ADAD1: variants seen among roughly 807,000 people sequenced by gnomAD.
The protein encoded by ADAD1 is adenosine deaminase domain-containing protein 1.
A neutral mutation model predicts 66.8 loss-of-function variants in ADAD1; 46 were observed. The ratio of observed to expected loss-of-function variants is 0.69; its 90% confidence interval spans 0.54 to 0.88. The LOEUF is 0.88. Ranked by LOEUF, ADAD1 falls within the 40% of genes least tolerant of loss-of-function variation. ADAD1 has a pLI of 0.00. For synonymous variants in ADAD1, 248 were observed against 229.4 expected, an observed-to-expected ratio of 1.08 and a Z score of -0.73; for missense variants, 617 against 681.8, an observed-to-expected ratio of 0.91 and a Z score of 1.06.
chr4:122,390,288 A>G (rs1561534107), intron 5 of ADAD1, among the ~76,000 whole-genome samples: 1 of 152,026 alleles, frequency 6.6e-6, no homozygotes, highest in African/African-American at 2.4e-5. Flanking sequence ...GCTGCCCTTA[A>G]TAGTTTTTCC....
At chr4:122,408,113 A>T in intron 8 of ADAD1, 82 bp downstream of exon 8, 1 of 1,400,200 alleles carries the variant, frequency 7.1e-7, no homozygotes, top group Non-Finnish European at 9.6e-7. Flanking sequence ...TTCATTTACA[A>T]ATGGAATTTT....
chr4:122,424,938 A>G (rs920742866), intron 12 of ADAD1, among the ~76,000 whole-genome samples: 2 of 152,140 alleles, frequency 1.3e-5, no homozygotes, highest in Admixed American at 1.3e-4. Context: ...TTAATATTAA[A>G]TATACATGAA....
rs374964594 is a variant in ADAD1, at chr4:122,397,568, CAAAT to C, written c.724+1194_724+1197del. ...AAATGAATATTTAAACAATAATTGA[CAAAT>C]AATTTTTTAAAAGATTGCAGGGGTT... is the stretch of plus-strand genomic sequence containing the variant. On this transcript the variant is annotated intron_variant, in intron 7 of 12. Transcript: ENST00000296513. Among the ~76,000 whole-genome samples, 75 of 152,116 alleles carry C rather than the reference CAAAT, an allele frequency of 4.9e-4. No homozygotes were observed. The East Asian group carries it at 0.012, about 24-fold the overall frequency.
chr4:122,421,458 A>T, intron 12 of ADAD1, 68 bp downstream of exon 12: 1 of 1,341,584 alleles, frequency 7.5e-7, no homozygotes, highest in Non-Finnish European at 9.8e-7. Flanking sequence ...TCATTTTAAA[A>T]TGGTTATCCT....
At chr4:122,414,755 C>T (rs1182913395) in intron 10 of ADAD1, among the ~76,000 whole-genome samples, 1 of 152,112 alleles carries the variant, frequency 6.6e-6, no homozygotes, top group East Asian at 1.9e-4. Context: ...TGCTTCCTAA[C>T]TTCTGTTTTA....
intron 7 of ADAD1, among the ~76,000 whole-genome samples, chr4:122,405,755 G>A (rs768915304): frequency 3.3e-5 from 5 of 151,858 alleles, no homozygotes; most frequent in South Asian, 2.1e-4. Flanking sequence ...CTTTCTAACC[G>A]CTAGTAACCA....
At chr4:122,383,248 A>C (rs1025460788) in intron 4 of ADAD1, among the ~76,000 whole-genome samples, 1 of 151,984 alleles carries the variant, frequency 6.6e-6, no homozygotes, top group Non-Finnish European at 1.5e-5. Flanking sequence ...CCACTCCCCA[A>C]CCTTCACAGC....
At chr4:122,402,180 A>T (rs1796013861) in intron 7 of ADAD1, among the ~76,000 whole-genome samples, 1 of 152,098 alleles carries the variant, frequency 6.6e-6, no homozygotes, top group East Asian at 1.9e-4. Context: ...CATTTATTTA[A>T]TACTGGCTTC....
chr4:122,411,090 TTTAGGAGTTC>T, intron 8 of ADAD1, 122 bp from the exon 9 acceptor site: 1 of 660,714 alleles, frequency 1.5e-6, no homozygotes, highest in Non-Finnish European at 2.4e-6. Context: ...CTAAGATTGA[TTTAGGAGTTC>T]TTACCTGTGT....
chr4:122,421,293 G>A lies in ADAD1; in HGVS notation c.1520G>A (p.Ser507Asn), dbSNP rs780374431. The change falls in exon 12 of 13, where the codon AGT (serine) becomes AAT (asparagine). Residue 507 changes from serine (S) to asparagine (N), a missense_variant. Transcript: ENST00000296513. Reference sequence around the variant, plus strand: ...TTTAAAAGTGGTATGTCAATGGCAAGTCGGCTTTGTAAGGCTGCAATGTTA... The same window carrying A: ...TTTAAAAGTGGTATGTCAATGGCAAATCGGCTTTGTAAGGCTGCAATGTTA... ...SPFKSGMSMA[S>N]RLCKAAMLSR... 1.9e-6 allele frequency: 3 copies of A among 1,603,580 alleles called. No homozygotes were observed. Among genetic ancestry groups the A allele is most frequent in the Non-Finnish European group, 2.6e-6 (3 of 1,173,092 alleles).
chr4:122,422,957 A>T (rs1169915222), intron 12 of ADAD1, among the ~76,000 whole-genome samples: 40 of 56,030 alleles, frequency 7.1e-4, no homozygotes, highest in Admixed American at 4.9e-3. Flanking sequence ...ATTTCTCTTT[A>T]AAAAAAAAAA....
intron 7 of ADAD1, 95 bp from the exon 8 acceptor site, chr4:122,407,813 T>A: frequency 7.8e-7 from 1 of 1,287,220 alleles, no homozygotes; most frequent in Non-Finnish European, 1.0e-6. Context: ...GTTAATATAT[T>A]CTACTAAATT....
chr4:122,415,707 T>C (rs886422809), intron 11 of ADAD1, 91 bp downstream of exon 11: 4 of 1,060,642 alleles, frequency 3.8e-6, no homozygotes, highest in Non-Finnish European at 5.6e-6. Flanking sequence ...TTGGATACTA[T>C]TTATTGAACT....
chr4:122,387,502 C>T (rs1795226307), intron 5 of ADAD1, among the ~76,000 whole-genome samples: 1 of 152,090 alleles, frequency 6.6e-6, no homozygotes, highest in South Asian at 2.1e-4. Flanking sequence ...AAATTGACTT[C>T]CTCTCTTCTT....
At chr4:122,387,794 C>G (rs1451860697) in intron 5 of ADAD1, among the ~76,000 whole-genome samples, 4 of 148,672 alleles carry the variant, frequency 2.7e-5, no homozygotes, top group Non-Finnish European at 4.4e-5. Context: ...GAGTCTTGCT[C>G]TGTTGCCCAG....
chr4:122,424,151 C>A (rs1797129923), intron 12 of ADAD1, among the ~76,000 whole-genome samples: 1 of 152,110 alleles, frequency 6.6e-6, no homozygotes. Flanking sequence ...AAAATAAGAA[C>A]ATTCACAGGT....
intron 12 of ADAD1, among the ~76,000 whole-genome samples, chr4:122,427,271 A>G (rs1316549268): frequency 9.9e-5 from 15 of 152,204 alleles, no homozygotes. Flanking sequence ...TCGTGTGTAA[A>G]CACAGAGGAA....
At chr4:122,400,286 C>G (rs992380406) in intron 7 of ADAD1, among the ~76,000 whole-genome samples, 1 of 152,000 alleles carries the variant, frequency 6.6e-6, no homozygotes, top group Non-Finnish European at 1.5e-5. Context: ...GTTTTTAATT[C>G]TGTTTATGTG....
intron 11 of ADAD1, among the ~76,000 whole-genome samples, chr4:122,416,628 G>A (rs1449405889): frequency 6.6e-6 from 1 of 152,092 alleles, no homozygotes; most frequent in African/African-American, 2.4e-5. Flanking sequence ...AGCTATTTGG[G>A]AGGCTGAGAC....
Sources: gnomAD v4.1 joint callset for allele counts (sites outside exome capture counted in the v4.1 genomes callset) on GRCh38, gnomAD v4.1.1 for gene constraint, MANE v1.5 for transcripts, NCBI Gene and HGNC (gene_info 2026-07-23, HGNC 2026-07-21) for gene names.